The following SUCO variants were observed in gnomAD, a reference collection of about 807,000 sequenced individuals.
SUCO encodes the protein SUN domain-containing ossification factor.
A neutral mutation model predicts 148.1 loss-of-function variants in SUCO; 57 were observed. That is an observed-to-expected ratio of 0.38 (90% CI 0.31 to 0.48). The LOEUF is 0.48. SUCO is among the 20% of genes least tolerant of loss of function. The pLI is 0.96. For missense variants in SUCO, 1,331 were observed against 1,468.2 expected, an observed-to-expected ratio of 0.91 and a Z score of 1.53; for synonymous variants, 470 against 502.7, an observed-to-expected ratio of 0.93 and a Z score of 0.87.
At chr1:172,544,216 C>CA in intron 1 of SUCO, 1 of 736,224 alleles carries the variant, frequency 1.4e-6, no homozygotes, top group Non-Finnish European at 1.7e-6. Flanking sequence ...GTTTAAGAAG[C>CA]AATTCTTTGT....
At chr1:172,550,950 C>T in intron 1 of SUCO, 1 of 821,490 alleles carries the variant, frequency 1.2e-6, no homozygotes, top group African/African-American at 1.9e-5. Context: ...TATATTTCTC[C>T]TTTGGTATGT....
chr1:172,543,759 G>T (rs546135722), intron 1 of SUCO, among the ~76,000 whole-genome samples: 26 of 152,166 alleles, frequency 1.7e-4, no homozygotes, highest in African/African-American at 5.8e-4. Context: ...ACAATTGCAC[G>T]TGATTTGACT....
At chr1:172,562,342 T>A (rs922241681) in intron 6 of SUCO, among the ~76,000 whole-genome samples, 21 of 146,850 alleles carry the variant, frequency 1.4e-4, no homozygotes, top group Non-Finnish European at 2.2e-4. Flanking sequence ...TTTTTTTTTT[T>A]TTTTTATTTT....
At position 172,610,100 on chromosome 1, in the gene SUCO, A is replaced by C; in HGVS notation, c.3606A>C (p.Leu1202Phe). 6.2e-7 allele frequency: 1 copy of C among 1,613,856 alleles called. No individual in the cohort carries two copies. The highest frequency in any genetic ancestry group is 8.5e-7 in the Non-Finnish European group (1 of 1,179,840). Residue 1202 changes from leucine to phenylalanine, a missense_variant, in exon 24 of 24, where the codon TTA becomes TTC. This residue lies in a region of SUCO where 334 missense variants were observed against 352.3 expected (regional missense o/e 0.95). Transcript: ENST00000263688. ...AGACAAAAACTGAGAAGAGGGCTTTAAAACGAAGACGATCTAAAGTCCAAG... is the reference window on the plus strand; with the variant it reads ...AGACAAAAACTGAGAAGAGGGCTTTCAAACGAAGACGATCTAAAGTCCAAG... ...SQKTKTEKRALKRRRSKVQDQ... is the reference protein window; with the variant it reads ...SQKTKTEKRAFKRRRSKVQDQ...
chr1:172,600,886 G>C (rs1325122065), intron 20 of SUCO, among the ~76,000 whole-genome samples: 1 of 152,130 alleles, frequency 6.6e-6, no homozygotes, highest in Non-Finnish European at 1.5e-5. Flanking sequence ...TAGGGCAAAG[G>C]ACTGGAGAGT....
intron 6 of SUCO, among the ~76,000 whole-genome samples, chr1:172,568,772 C>T (rs895160884): frequency 1.3e-5 from 2 of 152,062 alleles, no homozygotes; most frequent in African/African-American, 4.8e-5. Context: ...TTTTTTTCAA[C>T]GACCTATGCT....
At chr1:172,594,897 G>A (rs12754650) in intron 19 of SUCO, among the ~76,000 whole-genome samples, 28,122 of 152,060 alleles carry the variant, frequency 0.18, 3,119 homozygotes, top group South Asian at 0.27. Context: ...TCCCATTATT[G>A]TGTGGGAGTC....
intron 1 of SUCO, chr1:172,542,603 C>A: frequency 3.5e-6 from 1 of 282,062 alleles, no homozygotes; most frequent in African/African-American, 2.3e-5. Flanking sequence ...ATGAACCACA[C>A]ACGCGAGGGA....
rs180960508 is a variant in SUCO, at chr1:172,543,585, T to G, written c.63-7927T>G. Among the ~76,000 whole-genome samples the G allele has an allele frequency of 1.1e-4, 17 of 152,282 alleles. No homozygotes were observed. The East Asian group carries it at 3.1e-3, about 28-fold the overall frequency. On this transcript the variant is annotated intron_variant, in intron 1 of 23. Transcript: ENST00000263688. ...TGGATCAATGAAATTATGGGCCAGTTTAGTGAAACAATTTTCTAATAGAAT... is the reference window on the plus strand; with the variant it reads ...TGGATCAATGAAATTATGGGCCAGTGTAGTGAAACAATTTTCTAATAGAAT...
At chr1:172,547,200 CCA>C (rs1450155046) in intron 1 of SUCO, among the ~76,000 whole-genome samples, 1 of 152,050 alleles carries the variant, frequency 6.6e-6, no homozygotes, top group African/African-American at 2.4e-5. Context: ...TGAGATTTAC[CCA>C]TTTTGTTTCC....
chr1:172,564,891 T>G (rs1251498639), intron 6 of SUCO, among the ~76,000 whole-genome samples: 1 of 152,230 alleles, frequency 6.6e-6, no homozygotes, highest in African/African-American at 2.4e-5. Context: ...AACTTCCAAA[T>G]TAAACAAAAC....
chr1:172,554,269 G>T (rs753155923), intron 3 of SUCO, among the ~76,000 whole-genome samples: 1 of 152,136 alleles, frequency 6.6e-6, no homozygotes, highest in Non-Finnish European at 1.5e-5. Context: ...ACAATTGTAT[G>T]ACTATCCTGA....
At chr1:172,584,991 A>T (rs766003737) in intron 15 of SUCO, 27 bp from the exon 16 acceptor site, 3 of 1,431,442 alleles carry the variant, frequency 2.1e-6, no homozygotes, top group Non-Finnish European at 2.9e-6. Flanking sequence ...GGTATTTGGT[A>T]CTTTTTCTGA....
chr1:172,580,507 T>C (rs1245449921), intron 15 of SUCO, among the ~76,000 whole-genome samples: 1 of 152,230 alleles, frequency 6.6e-6, no homozygotes, highest in East Asian at 1.9e-4. Context: ...ATGTCTTATC[T>C]GTCTGGATAT....
intron 22 of SUCO, chr1:172,608,154 C>G: frequency 1.1e-6 from 1 of 876,174 alleles, no homozygotes; most frequent in Non-Finnish European, 1.4e-6. Flanking sequence ...CAGAAGTGTT[C>G]ATTCATTATT....
Position 172,608,747 on chromosome 1 carries a change from T to A in SUCO, c.3266T>A (p.Val1089Glu). 6.4e-7 allele frequency: 1 copy of A among 1,570,172 alleles called. No individual in the cohort carries two copies. Among genetic ancestry groups the A allele is most frequent in the Non-Finnish European group, 8.7e-7 (1 of 1,150,504 alleles). Residue 1089 changes from valine (V) to glutamate (E), a missense_variant and splice_region_variant, in exon 23 of 24, where the codon GTA (valine) becomes GAA (glutamate). Coordinates refer to ENST00000263688, the MANE Select transcript of SUCO (RefSeq NM_014283.5). ...SKSLQLTGKE[V>E]DPNDLYIVEP... ...TGCTTTTTTTTTTTTTTACTTACAG[T>A]AGACCCAAATGATTTGTACATTGTA...
chr1:172,543,871 C>T (rs1652676243), intron 1 of SUCO, among the ~76,000 whole-genome samples: 1 of 152,010 alleles, frequency 6.6e-6, no homozygotes. Context: ...GAGAAGCAAC[C>T]TTAAAAGAGC....
upstream of SUCO, chr1:172,532,539 T>C: frequency 6.2e-7 from 1 of 1,613,832 alleles, no homozygotes; most frequent in Non-Finnish European, 8.5e-7. Context: ...GGGCAGTCCA[T>C]TGCCACAGGG....
intron 19 of SUCO, among the ~76,000 whole-genome samples, chr1:172,595,605 C>A (rs540378560): frequency 5.3e-5 from 8 of 152,262 alleles, no homozygotes; most frequent in African/African-American, 1.9e-4. Context: ...AATATTGGCC[C>A]CCACTCTCTT....
Sources: gnomAD v4.1 joint callset for allele counts (sites outside exome capture counted in the v4.1 genomes callset) on GRCh38, gnomAD v4.1.1 for gene constraint, gnomAD v4.1.1 regional missense constraint, MANE v1.5 for transcripts, NCBI Gene and HGNC (gene_info 2026-07-23, HGNC 2026-07-21) for gene names.